NCAM1: variants seen among roughly 807,000 people sequenced by gnomAD.
NCAM1 encodes the protein neural cell adhesion molecule 1, also known as antigen recognized by monoclonal antibody 5.1H11.
A neutral mutation model predicts 109.8 loss-of-function variants in NCAM1; 14 were observed. The observed-to-expected ratio is 0.13, with a 90% CI of 0.08 to 0.20. NCAM1 has a LOEUF of 0.20. NCAM1 is among the 10% of genes least tolerant of loss of function. The pLI is 1.00. For missense variants in NCAM1, 774 were observed against 1,109.9 expected, an observed-to-expected ratio of 0.70 and a Z score of 4.30; for synonymous variants, 418 against 442.9, an observed-to-expected ratio of 0.94 and a Z score of 0.70.
At position 113,139,323 on chromosome 11, in the gene NCAM1, G is replaced by A. The variant is rs908304990; in HGVS notation, c.53-63056G>A. Among the ~76,000 whole-genome samples, 84 of 152,302 alleles carry A rather than the reference G, an allele frequency of 5.5e-4. 1 individual carries two copies. Among genetic ancestry groups the A allele is most frequent in the African/African-American group, 2.0e-3 (82 of 41,576 alleles). ...ACAAAATATTACATTCAGTGCTACA[G>A]CAGGATGTGATCACTCAACTATTTA... is the stretch of plus-strand genomic sequence containing the variant. On this transcript the variant is annotated intron_variant, in intron 1 of 19. Transcript: ENST00000316851.
intron 1 of NCAM1, among the ~76,000 whole-genome samples, chr11:113,056,650 A>G (rs1555082634): frequency 1.3e-5 from 2 of 152,200 alleles, no homozygotes; most frequent in Non-Finnish European, 1.5e-5. Flanking sequence ...GCAGCCCACA[A>G]GGAAATGAAT....
intron 1 of NCAM1, among the ~76,000 whole-genome samples, chr11:113,061,437 A>G (rs1555083433): frequency 1.3e-5 from 2 of 152,210 alleles, no homozygotes; most frequent in African/African-American, 4.8e-5. Flanking sequence ...TCTCAAAAGT[A>G]GGTGAATTAT....
chr11:113,116,860 T>C (rs1940736983), intron 1 of NCAM1, among the ~76,000 whole-genome samples: 1 of 151,920 alleles, frequency 6.6e-6, no homozygotes, highest in Non-Finnish European at 1.5e-5. Context: ...TCTAGTATTA[T>C]GACTGTAACC....
intron 1 of NCAM1, among the ~76,000 whole-genome samples, chr11:113,079,028 G>A (rs1938663347): frequency 6.6e-6 from 1 of 152,162 alleles, no homozygotes; most frequent in Non-Finnish European, 1.5e-5. Context: ...AGTAGGGAGA[G>A]CTGACTCAAC....
chr11:113,221,469 A>C (rs1944692577), intron 9 of NCAM1, 144 bp downstream of exon 9: 1 of 804,604 alleles, frequency 1.2e-6, no homozygotes, highest in Non-Finnish European at 2.0e-6. Context: ...ATTACTTAGC[A>C]ATAGTATCAT....
At chr11:113,236,869 C>T (rs1452860364) in intron 14 of NCAM1, among the ~76,000 whole-genome samples, 1 of 152,174 alleles carries the variant, frequency 6.6e-6, no homozygotes, top group Non-Finnish European at 1.5e-5. Flanking sequence ...CAGGGAGGCT[C>T]CTGCAGCAGC....
At chr11:113,119,147 G>GACAA (rs1555095527) in intron 1 of NCAM1, among the ~76,000 whole-genome samples, 1 of 150,156 alleles carries the variant, frequency 6.7e-6, no homozygotes, top group Non-Finnish European at 1.5e-5. Flanking sequence ...ACATTAGACA[G>GACAA]GAAGGGAGAG....
At chr11:113,170,061 A>G (rs1364697951) in intron 1 of NCAM1, among the ~76,000 whole-genome samples, 1 of 152,132 alleles carries the variant, frequency 6.6e-6, no homozygotes, top group Non-Finnish European at 1.5e-5. Context: ...TTTTCTTGCA[A>G]ATTATATTTA....
At chr11:113,231,886 C>A (rs1486782148) in intron 10 of NCAM1, 91 bp downstream of exon 10, 24 of 1,512,170 alleles carry the variant, frequency 1.6e-5, no homozygotes, top group Non-Finnish European at 2.1e-5. Context: ...CCTATGTGCA[C>A]CCTGTGTGTT....
At position 113,258,475 on chromosome 11, in the gene NCAM1, C is replaced by T. The variant is rs977616078; in HGVS notation, c.1954-1671C>T. On this transcript the variant is annotated intron_variant, in intron 16 of 19. Transcript: ENST00000316851. ...CAGTCCAACAGATGTTTGCTGAGCT[C>T]CCTACTATAGAAGGGAAAGATCATG... Among the ~76,000 whole-genome samples the T allele has an allele frequency of 4.6e-5, 7 of 152,198 alleles. No individual in the cohort carries two copies. The East Asian group carries it at 1.4e-3, about 29-fold the overall frequency.
At chr11:113,177,449 G>GTTGTTT (rs1943193472) in intron 1 of NCAM1, among the ~76,000 whole-genome samples, 1 of 152,136 alleles carries the variant, frequency 6.6e-6, no homozygotes, top group South Asian at 2.1e-4. Context: ...TGTTGTTGTT[G>GTTGTTT]TTGTTGCTGG....
intron 1 of NCAM1, among the ~76,000 whole-genome samples, chr11:112,990,496 G>C (rs782679080): frequency 1.3e-5 from 2 of 151,972 alleles, no homozygotes; most frequent in African/African-American, 2.4e-5. Context: ...GTTTTTTGTG[G>C]GACTGAGGTC....
At chr11:113,037,415 T>G (rs1555079351) in intron 1 of NCAM1, among the ~76,000 whole-genome samples, 1 of 152,060 alleles carries the variant, frequency 6.6e-6, no homozygotes, top group Non-Finnish European at 1.5e-5. Context: ...TTGTCCCTCC[T>G]CTCGTCTCCT....
chr11:113,219,486 C>G (rs182023483), intron 8 of NCAM1, among the ~76,000 whole-genome samples: 66 of 152,264 alleles, frequency 4.3e-4, no homozygotes, highest in African/African-American at 1.5e-3. Context: ...TCAAAACAAC[C>G]TAGAACAATT....
At chr11:113,230,130 C>T (rs1555116940) in intron 9 of NCAM1, among the ~76,000 whole-genome samples, 1 of 151,972 alleles carries the variant, frequency 6.6e-6, no homozygotes, top group African/African-American at 2.4e-5. Flanking sequence ...AATGTATCAG[C>T]ACTGTCAGCC....
At position 112,963,435 on chromosome 11, in the gene NCAM1, G is replaced by C. The variant is rs2134431406; in HGVS notation, c.52+1771G>C. On this transcript the variant is annotated intron_variant, in intron 1 of 19. Coordinates refer to ENST00000316851, the MANE Select transcript of NCAM1 (RefSeq NM_181351.5). This position sits in a 1 kb window ranked among gnomAD's most constrained non-coding sequence, Gnocchi z 4.6. The stretch of plus-strand genomic sequence containing the variant: ...AGCGCGTCGCCGGGGAGGGCATCCT[G>C]GCAGGCACACCTACGCGCGTGCGCT... 6.6e-6 allele frequency: 1 copy of C among 152,290 alleles called. No homozygotes were observed. The highest frequency in any genetic ancestry group is 2.1e-4 in the South Asian group (1 of 4,828). 9.4% of individuals were successfully genotyped at this position (152,290 alleles called of 1,614,324 possible).
chr11:113,273,694 A>T lies in NCAM1; in HGVS notation c.2457-1573A>T. 2.2e-6 allele frequency: 1 copy of T among 455,544 alleles called. No homozygotes were observed. The highest frequency in any genetic ancestry group is 1.6e-5 in the South Asian group (1 of 64,494). 28.2% of individuals were successfully genotyped at this position (455,544 alleles called of 1,614,324 possible). A position where few individuals can be genotyped will look rare whatever the true frequency, so the allele number is the denominator to read the frequency against. On this transcript the variant is annotated intron_variant, in intron 19 of 19. Coordinates refer to ENST00000316851, the MANE Select transcript of NCAM1 (RefSeq NM_181351.5). The surrounding 1 kb of genome is among the most constrained non-coding windows in gnomAD (Gnocchi z 6.0). ...GCTGGGGCCAGTGGACAAGCCCCTG[A>T]GCTTGCTCCTTCCACTGCAGACAGC...
intron 15 of NCAM1, among the ~76,000 whole-genome samples, chr11:113,252,323 T>C (rs1157050607): frequency 6.6e-6 from 1 of 151,470 alleles, no homozygotes; most frequent in African/African-American, 2.4e-5. Flanking sequence ...AGTGAATCGC[T>C]TGAGTCATGG....
intron 5 of NCAM1, among the ~76,000 whole-genome samples, 185 bp from the exon 6 acceptor site, chr11:113,207,076 C>G (rs1555112960): frequency 6.6e-6 from 1 of 152,218 alleles, no homozygotes; most frequent in Non-Finnish European, 1.5e-5. Flanking sequence ...GTAGAACTGT[C>G]TATTCAGTTT....
Sources: gnomAD v4.1 joint callset for allele counts (sites outside exome capture counted in the v4.1 genomes callset) on GRCh38, gnomAD v4.1.1 for gene constraint, Gnocchi (gnomAD v3.1) non-coding constraint, MANE v1.5 for transcripts, NCBI Gene and HGNC (gene_info 2026-07-23, HGNC 2026-07-21) for gene names.